The following STOM variants were observed in gnomAD, a reference collection of about 807,000 sequenced individuals.
STOM encodes the protein stomatin.
STOM carries 25 observed loss-of-function variants against 30.6 expected under a neutral mutation model. That is an observed-to-expected ratio of 0.82 (90% CI 0.60 to 1.14). The LOEUF (loss-of-function observed/expected upper bound fraction) is 1.14, where lower values mean the gene tolerates loss of function less well. Ranked by LOEUF, STOM falls within the 50% of genes most tolerant of loss-of-function variation. STOM has a pLI of 0.00. For synonymous variants in STOM, 118 were observed against 130.8 expected (o/e 0.90, Z 0.67); for missense variants, 292 against 365.2 (o/e 0.80, Z 1.63).
In STOM at chr9:121,356,647, G is replaced by C. The variant is rs542507423; in HGVS notation, c.62-491C>G. Among the ~76,000 whole-genome samples, 4 of 152,286 alleles carry C rather than the reference G, an allele frequency of 2.6e-5. No individual in the cohort carries two copies. The South Asian group carries it at 8.3e-4, about 32-fold the overall frequency. On this transcript the variant is annotated intron_variant, in intron 1 of 6. Transcript: ENST00000286713. Reference sequence around the variant, plus strand: ...GGGGAGGTGATTCAGGTGGCTGTCAGAGGGTTTCCTGAAGGATGTAATAGT... The same window carrying C: ...GGGGAGGTGATTCAGGTGGCTGTCACAGGGTTTCCTGAAGGATGTAATAGT...
chr9:121,357,910 A>G (rs2064411290), intron 1 of STOM, among the ~76,000 whole-genome samples: 1 of 105,456 alleles, frequency 9.5e-6, no homozygotes, highest in African/African-American at 4.8e-5. Flanking sequence ...GATTAGTACA[A>G]AAAAAGGGCA....
intron 5 of STOM, 150 bp downstream of exon 5, chr9:121,348,970 T>G: frequency 1.2e-6 from 1 of 803,804 alleles, no homozygotes. Flanking sequence ...AAATGTCCCC[T>G]CCTGCCAAAT....
At chr9:121,341,667 A>G (rs1055149278) in intron 6 of STOM, among the ~76,000 whole-genome samples, 3 of 152,248 alleles carry the variant, frequency 2.0e-5, no homozygotes, top group African/African-American at 7.2e-5. Flanking sequence ...GGTAACAAAC[A>G]AAGGGATAAT....
At chr9:121,355,257 T>A (rs1015495432) in intron 2 of STOM, among the ~76,000 whole-genome samples, 3,113 of 105,406 alleles carry the variant, frequency 0.03, 189 homozygotes, top group Admixed American at 0.13. Flanking sequence ...AAAATAATAA[T>A]AATAATAATA....
At chr9:121,355,000 C>T (rs867152967) in intron 2 of STOM, among the ~76,000 whole-genome samples, 22 of 152,044 alleles carry the variant, frequency 1.4e-4, no homozygotes, top group Admixed American at 4.6e-4. Context: ...TGGCTCACGC[C>T]TGTAATTTCA....
chr9:121,367,818 CT>C (rs2064519416), intron 1 of STOM, among the ~76,000 whole-genome samples: 2 of 152,174 alleles, frequency 1.3e-5, no homozygotes, highest in South Asian at 4.1e-4. Context: ...TGTCTCTCAA[CT>C]TAAGTAAAGT....
chr9:121,342,161 G>A (rs145916505), intron 6 of STOM, among the ~76,000 whole-genome samples: 4,000 of 152,246 alleles, frequency 0.026, 75 homozygotes, highest in Non-Finnish European at 0.038. Flanking sequence ...CTTGAGGTCA[G>A]GAGTTCGAGA....
At chr9:121,358,722 A>G (rs964851238) in intron 1 of STOM, among the ~76,000 whole-genome samples, 2 of 152,152 alleles carry the variant, frequency 1.3e-5, no homozygotes, top group African/African-American at 4.8e-5. Context: ...CTCTTCCTGT[A>G]CTATTTTTGT....
At position 121,342,755 on chromosome 9, in the gene STOM, C is replaced by T. The variant is rs112084884; in HGVS notation, c.661-1347G>A. 7.7e-3 allele frequency among the ~76,000 whole-genome samples: 1,172 copies of T among 152,226 alleles called. 10 individuals are homozygous for T. Among genetic ancestry groups the T allele is most frequent in the Non-Finnish European group, 0.013 (906 of 68,012 alleles). The stretch of plus-strand genomic sequence containing the variant: ...CCAGGAATTATATTCTTGGCAAGTA[C>T]ATAAATTCAAGATGAAAAATTTTTA... On this transcript the variant is annotated intron_variant, in intron 6 of 6. Coordinates refer to ENST00000286713, the MANE Select transcript of STOM (RefSeq NM_004099.6).
rs539110117 is a variant in STOM at position 121,365,224 on chromosome 9, CCAAG to C, written c.61+4899_61+4902del. On this transcript the variant is annotated intron_variant, in intron 1 of 6. Transcript: ENST00000286713. ...GATACAGTACAGAACCATCTCCTGC[CCAAG>C]CAGTTGTCAACTGCTTTCCTCAAGT... Among the ~76,000 whole-genome samples, 3 of 151,902 alleles carry C rather than the reference CCAAG, an allele frequency of 2.0e-5. No individual in the cohort carries two copies. In the South Asian group the frequency reaches 6.2e-4, roughly 31 times the overall value.
intron 6 of STOM, 28 bp downstream of exon 6, chr9:121,347,987 A>G (rs1408667314): frequency 1.3e-5 from 21 of 1,579,220 alleles, no homozygotes; most frequent in African/African-American, 2.7e-5. Flanking sequence ...AAACTCAGTA[A>G]GAAAAACAAG....
Position 121,361,529 on chromosome 9 carries a change from C to T in STOM, c.62-5373G>A, listed in dbSNP as rs541299355. 3.3e-5 allele frequency among the ~76,000 whole-genome samples: 5 copies of T among 152,032 alleles called. No homozygotes were observed. The South Asian group carries it at 1.0e-3, about 32-fold the overall frequency. ...TCAGCCTCCCCAGTAGCTGGGACTA[C>T]AGGTGCCCACCACCATGCCTGGCTA... On this transcript the variant is annotated intron_variant, in intron 1 of 6. Transcript: ENST00000286713.
chr9:121,361,479 C>T (rs559116189), intron 1 of STOM, among the ~76,000 whole-genome samples: 1 of 150,264 alleles, frequency 6.7e-6, no homozygotes, highest in East Asian at 2.0e-4. Flanking sequence ...AGCTCTGCCC[C>T]CTGGGTTCAC....
intron 1 of STOM, among the ~76,000 whole-genome samples, chr9:121,367,301 CTT>C (rs201750699): frequency 6.6e-6 from 1 of 152,074 alleles, no homozygotes; most frequent in South Asian, 2.1e-4. Flanking sequence ...TTATCAACAT[CTT>C]TTTTTTCCCT....
At chr9:121,357,580 C>T (rs1201610246) in intron 1 of STOM, among the ~76,000 whole-genome samples, 1 of 151,672 alleles carries the variant, frequency 6.6e-6, no homozygotes, top group Non-Finnish European at 1.5e-5. Context: ...GCTGGGATTA[C>T]AGCCACCTGC....
chr9:121,355,598 G>C (rs78897419), intron 2 of STOM, among the ~76,000 whole-genome samples: 4,425 of 152,208 alleles, frequency 0.029, 230 homozygotes, highest in African/African-American at 0.1. Flanking sequence ...GGGTATTTAT[G>C]ACGTGCCAGG....
At chr9:121,362,338 T>C (rs1042104396) in intron 1 of STOM, among the ~76,000 whole-genome samples, 2 of 152,206 alleles carry the variant, frequency 1.3e-5, no homozygotes, top group Non-Finnish European at 2.9e-5. Context: ...TTTTCAATAA[T>C]GAAAGAATGG....
chr9:121,368,796 T>C (rs2064530445), intron 1 of STOM, among the ~76,000 whole-genome samples: 1 of 151,794 alleles, frequency 6.6e-6, no homozygotes, highest in Non-Finnish European at 1.5e-5. Flanking sequence ...CAAAATCAGC[T>C]GGGCATGGTG....
rs547280596 is a variant in STOM at position 121,341,836 on chromosome 9, A to AT, written c.661-429dup. Among the ~76,000 whole-genome samples, 13 of 152,286 alleles carry AT rather than the reference A, an allele frequency of 8.5e-5. No individual in the cohort carries two copies. The East Asian group carries it at 2.3e-3, about 27-fold the overall frequency. ...TTTTTTGATGAAAGACTGTGATATG[A>AT]TTTTTTTAGCACATAAATTCAAAGT... is the stretch of plus-strand genomic sequence containing the variant. On this transcript the variant is annotated intron_variant, in intron 6 of 6. Coordinates refer to ENST00000286713, the MANE Select transcript of STOM (RefSeq NM_004099.6).
Sources: allele counts gnomAD v4.1 joint callset (sites outside exome capture counted in the v4.1 genomes callset), GRCh38; gene constraint gnomAD v4.1.1; transcripts MANE v1.5; gene names NCBI Gene and HGNC (gene_info 2026-07-23, HGNC 2026-07-21).